GRM1: variants seen among roughly 807,000 people sequenced by gnomAD.
GRM1 encodes glutamate metabotropic receptor 1, also known as metabotropic glutamate receptor 1.
A neutral mutation model predicts 90.9 loss-of-function variants in GRM1; 33 were observed. That is an observed-to-expected ratio of 0.36 (90% CI 0.28 to 0.49). The LOEUF (loss-of-function observed/expected upper bound fraction) is 0.49. Among genes scored for constraint, GRM1 ranks in the 20% least tolerant of loss-of-function variants. The pLI is 0.99. For synonymous variants in GRM1, 700 were observed against 613.2 expected, an observed-to-expected ratio of 1.14 and a Z score of -2.09; for missense variants, 1,190 against 1,534.3, an observed-to-expected ratio of 0.78 and a Z score of 3.75.
At chr6:146,378,285 C>G (rs575177723) in intron 5 of GRM1, among the ~76,000 whole-genome samples, 2 of 152,152 alleles carry the variant, frequency 1.3e-5, no homozygotes, top group Admixed American at 1.3e-4. Context: ...CCTCCAGACC[C>G]CAGAATGATA....
At chr6:146,032,229 T>C (rs1790732864) in intron 1 of GRM1, among the ~76,000 whole-genome samples, 1 of 152,176 alleles carries the variant, frequency 6.6e-6, no homozygotes, top group Non-Finnish European at 1.5e-5. Flanking sequence ...TCCGTACTAT[T>C]ATAGTAATTG....
intron 3 of GRM1, among the ~76,000 whole-genome samples, chr6:146,332,483 C>T (rs1583338652): frequency 1.3e-5 from 2 of 152,326 alleles, no homozygotes; most frequent in Admixed American, 6.5e-5. Context: ...TCCACATGAC[C>T]TCTCTGGCAA....
chr6:146,097,252 A>G (rs1776904315), intron 1 of GRM1, among the ~76,000 whole-genome samples: 1 of 151,242 alleles, frequency 6.6e-6, no homozygotes, highest in Non-Finnish European at 1.5e-5. Context: ...ACTTCAGAAA[A>G]CTCTTTGTAT....
chr6:146,334,947 G>T (rs1784717482), intron 3 of GRM1, among the ~76,000 whole-genome samples: 1 of 152,078 alleles, frequency 6.6e-6, no homozygotes, highest in Non-Finnish European at 1.5e-5. Flanking sequence ...CCTGTGTAAA[G>T]AATTTCTCTT....
At chr6:146,348,304 G>C (rs1389033976) in intron 3 of GRM1, among the ~76,000 whole-genome samples, 1 of 152,184 alleles carries the variant, frequency 6.6e-6, no homozygotes, top group African/African-American at 2.4e-5. Flanking sequence ...AATAGATTTT[G>C]TTTGTTCAAT....
chr6:146,202,388 A>G (rs1275401232), intron 2 of GRM1, among the ~76,000 whole-genome samples: 1 of 152,196 alleles, frequency 6.6e-6, no homozygotes, highest in Non-Finnish European at 1.5e-5. Flanking sequence ...TGTCTCATCA[A>G]TAAAAGCAGC....
intron 5 of GRM1, among the ~76,000 whole-genome samples, chr6:146,364,756 G>A (rs1435609465): frequency 6.7e-6 from 1 of 149,330 alleles, no homozygotes. Flanking sequence ...CTCTCTGTCT[G>A]TCTTTCTCCC....
chr6:146,150,983 C>T (rs1777313665), intron 1 of GRM1, among the ~76,000 whole-genome samples: 1 of 149,518 alleles, frequency 6.7e-6, no homozygotes, highest in African/African-American at 2.4e-5. Flanking sequence ...TTTCTCTATC[C>T]ATTCATCCCA....
At chr6:146,244,057 A>G (rs1780965053) in intron 2 of GRM1, among the ~76,000 whole-genome samples, 1 of 152,288 alleles carries the variant, frequency 6.6e-6, no homozygotes, top group Admixed American at 6.5e-5. Context: ...TTCCCTGAAC[A>G]TAGCTGTTAT....
In GRM1 at chr6:146,270,974, TTCTC is replaced by T. The variant is rs1241711264; in HGVS notation, c.951-33627_951-33624del. Among the ~76,000 whole-genome samples, 20 of 139,730 alleles carry T rather than the reference TTCTC, an allele frequency of 1.4e-4. No homozygotes were observed. In the South Asian group the frequency reaches 3.1e-3, roughly 21 times the overall value. 91.7% of individuals were successfully genotyped at this position (139,730 alleles called of 152,430 possible). A position where few individuals can be genotyped will look rare whatever the true frequency, so the allele number is the denominator to read the frequency against. On this transcript the variant is annotated intron_variant, in intron 2 of 7. Transcript: ENST00000282753. ...CTTCCTTTCTTTCTTTCTTTTTTTT[TTCTC>T]TCTCTCTCTTTCTTTCCTTCTTTCT... is the stretch of plus-strand genomic sequence containing the variant.
At chr6:146,049,325 G>T (rs908470555) in intron 1 of GRM1, among the ~76,000 whole-genome samples, 17 of 152,052 alleles carry the variant, frequency 1.1e-4, no homozygotes, top group African/African-American at 3.6e-4. Flanking sequence ...GTTGAGCAAG[G>T]AAGAGCTGCC....
In GRM1 at chr6:146,357,568, T is replaced by C; in HGVS notation, c.1476T>C (p.Tyr492=). 1 of 1,613,872 alleles carries C rather than the reference T, an allele frequency of 6.2e-7. No individual in the cohort carries two copies. Among genetic ancestry groups the C allele is most frequent in the Non-Finnish European group, 8.5e-7 (1 of 1,179,712 alleles). Reference sequence around the variant, plus strand: ...TGCAGTACACTGAAGCTAATCGCTATGACTATGTGCACGTTGGAACCTGGC... The same window carrying C: ...TGCAGTACACTGAAGCTAATCGCTACGACTATGTGCACGTTGGAACCTGGC... ...MNLQYTEANR[Y]DYVHVGTWHE... The change falls in exon 5 of 8, where the codon TAT becomes TAC. Residue 492 remains tyrosine (Y), a synonymous_variant. Coordinates refer to ENST00000282753, the MANE Select transcript of GRM1 (RefSeq NM_001278064.2).
At chr6:146,052,761 A>G (rs1326900930) in intron 1 of GRM1, among the ~76,000 whole-genome samples, 1 of 152,008 alleles carries the variant, frequency 6.6e-6, no homozygotes, top group Non-Finnish European at 1.5e-5. Flanking sequence ...TATATAAAGT[A>G]TAACCCTTCC....
At chr6:146,133,382 A>AT (rs755436472) in intron 1 of GRM1, among the ~76,000 whole-genome samples, 3 of 152,176 alleles carry the variant, frequency 2.0e-5, no homozygotes, top group Non-Finnish European at 2.9e-5. Flanking sequence ...ACACATTCTC[A>AT]TTTTTTGGCT....
intron 3 of GRM1, among the ~76,000 whole-genome samples, chr6:146,346,000 C>A (rs770689416): frequency 3.3e-5 from 5 of 152,202 alleles, no homozygotes; most frequent in Non-Finnish European, 7.3e-5. Context: ...AGGCACACAG[C>A]AAGCAGCCCT....
At chr6:146,388,775 A>G (rs1428479942) in intron 6 of GRM1, among the ~76,000 whole-genome samples, 1 of 152,088 alleles carries the variant, frequency 6.6e-6, no homozygotes, top group Non-Finnish European at 1.5e-5. Context: ...TGTCCCACCC[A>G]TTGAGAAACA....
At chr6:146,273,911 G>A (rs1462185876) in intron 2 of GRM1, among the ~76,000 whole-genome samples, 1 of 152,150 alleles carries the variant, frequency 6.6e-6, no homozygotes, top group Non-Finnish European at 1.5e-5. Context: ...CGTAGTATTT[G>A]TTGTGTGTTC....
At chr6:146,064,576 A>C (rs916410690) in intron 1 of GRM1, among the ~76,000 whole-genome samples, 1 of 152,082 alleles carries the variant, frequency 6.6e-6, no homozygotes, top group South Asian at 2.1e-4. Flanking sequence ...ATCAGTATAT[A>C]GTATCTGTTC....
chr6:146,081,163 T>C (rs1229170223), intron 1 of GRM1, among the ~76,000 whole-genome samples: 4 of 152,152 alleles, frequency 2.6e-5, no homozygotes, highest in African/African-American at 9.7e-5. Context: ...TGCAACTTGC[T>C]CTAAGTATGA....
Sources: gnomAD v4.1 joint callset for allele counts (sites outside exome capture counted in the v4.1 genomes callset) on GRCh38, gnomAD v4.1.1 for gene constraint, MANE v1.5 for transcripts, NCBI Gene and HGNC (gene_info 2026-07-23, HGNC 2026-07-21) for gene names.